The following LDB2 variants were observed in gnomAD, a reference collection of about 807,000 sequenced individuals.
LDB2 encodes the protein LIM domain-binding protein 2.
In LDB2, 12 loss-of-function variants were observed where a neutral mutation model predicts 44.3. The ratio of observed to expected loss-of-function variants is 0.27; its 90% CI spans 0.17 to 0.44. The LOEUF (loss-of-function observed/expected upper bound fraction) is 0.44. Among genes scored for constraint, LDB2 ranks in the 20% least tolerant of loss-of-function variants. The pLI, the probability that LDB2 is intolerant of heterozygous loss-of-function variation, is 1.00. For synonymous variants in LDB2, 164 were observed against 174.8 expected, an observed-to-expected ratio of 0.94 and a Z score of 0.49; for missense variants, 344 against 473.5, an observed-to-expected ratio of 0.73 and a Z score of 2.54.
chr4:16,608,503 T>C (rs1724598245), intron 2 of LDB2, among the ~76,000 whole-genome samples: 1 of 152,196 alleles, frequency 6.6e-6, no homozygotes, highest in Non-Finnish European at 1.5e-5. Flanking sequence ...GGTATGACAT[T>C]CTGTGTGCAG....
At chr4:16,711,789 A>G (rs1426137032) in intron 2 of LDB2, among the ~76,000 whole-genome samples, 1 of 152,232 alleles carries the variant, frequency 6.6e-6, no homozygotes, top group East Asian at 1.9e-4. Flanking sequence ...AAACCCTTTC[A>G]TTTACAACCA....
At chr4:16,563,719 A>G (rs557762476) in intron 5 of LDB2, among the ~76,000 whole-genome samples, 3 of 151,628 alleles carry the variant, frequency 2.0e-5, no homozygotes, top group South Asian at 2.1e-4. Flanking sequence ...CGGCCTCCCA[A>G]TGTGCTGGGA....
At chr4:16,640,796 T>A (rs1346898030) in intron 2 of LDB2, among the ~76,000 whole-genome samples, 3 of 152,234 alleles carry the variant, frequency 2.0e-5, no homozygotes. Flanking sequence ...AAAGAGTAGA[T>A]TCTATGCCAG....
intron 5 of LDB2, among the ~76,000 whole-genome samples, chr4:16,558,452 G>C (rs1740644269): frequency 6.6e-6 from 1 of 152,210 alleles, no homozygotes; most frequent in Non-Finnish European, 1.5e-5. Flanking sequence ...CTGGAAGAAA[G>C]GGTATCAGTG....
intron 5 of LDB2, among the ~76,000 whole-genome samples, chr4:16,584,370 C>T (rs116290999): frequency 2.6e-3 from 402 of 152,348 alleles, no homozygotes; most frequent in African/African-American, 9.0e-3. Flanking sequence ...GTCTCCCGTG[C>T]TCACTAGCAA....
At chr4:16,627,036 A>C (rs1560680329) in intron 2 of LDB2, 1 of 152,126 alleles carries the variant, frequency 6.6e-6, no homozygotes, top group Non-Finnish European at 1.5e-5. Flanking sequence ...GTTAAAAAAA[A>C]ATCCTTCTGG....
At chr4:16,886,602 TA>T (rs1440715509) in intron 1 of LDB2, among the ~76,000 whole-genome samples, 4 of 152,240 alleles carry the variant, frequency 2.6e-5, no homozygotes, top group Admixed American at 6.5e-5. Context: ...GTACTGTTTT[TA>T]AAACCAAAAA....
At chr4:16,601,289 A>C (rs1281090524) in intron 2 of LDB2, among the ~76,000 whole-genome samples, 1 of 152,168 alleles carries the variant, frequency 6.6e-6, no homozygotes, top group African/African-American at 2.4e-5. Flanking sequence ...GTTTATGTTT[A>C]AGTGCTCTGA....
At chr4:16,640,303 T>C (rs1734777361) in intron 2 of LDB2, among the ~76,000 whole-genome samples, 1 of 152,210 alleles carries the variant, frequency 6.6e-6, no homozygotes, top group African/African-American at 2.4e-5. Flanking sequence ...AGGTGGGTAA[T>C]AGAGAACTGT....
intron 2 of LDB2, among the ~76,000 whole-genome samples, chr4:16,725,339 T>G (rs1759210848): frequency 6.6e-6 from 1 of 151,672 alleles, no homozygotes. Flanking sequence ...CAATAGACAA[T>G]GGCCAGACCA....
At chr4:16,739,585 A>AT (rs1263747637) in intron 2 of LDB2, among the ~76,000 whole-genome samples, 872 of 77,158 alleles carry the variant, frequency 0.011, 166 homozygotes, top group African/African-American at 0.039. Flanking sequence ...AAAAAAAAAA[A>AT]AAAAATATAT....
chr4:16,886,187 C>A (rs983346251), intron 1 of LDB2, among the ~76,000 whole-genome samples: 1 of 152,062 alleles, frequency 6.6e-6, no homozygotes, highest in Non-Finnish European at 1.5e-5. Flanking sequence ...CCACCGCACT[C>A]CAGCCTGGGC....
intron 1 of LDB2, among the ~76,000 whole-genome samples, chr4:16,896,888 A>G (rs541367531): frequency 1.6e-4 from 24 of 152,348 alleles, no homozygotes; most frequent in African/African-American, 4.8e-4. Context: ...GCAAGCACAA[A>G]TATCAGTCAC....
At chr4:16,857,668 G>A (rs1314462271) in intron 1 of LDB2, among the ~76,000 whole-genome samples, 1 of 152,136 alleles carries the variant, frequency 6.6e-6, no homozygotes, top group Non-Finnish European at 1.5e-5. Flanking sequence ...CCTTGGCAGT[G>A]GCTCTTCCCT....
At chr4:16,608,633 A>G (rs1472092943) in intron 2 of LDB2, among the ~76,000 whole-genome samples, 1 of 152,198 alleles carries the variant, frequency 6.6e-6, no homozygotes, top group Non-Finnish European at 1.5e-5. Flanking sequence ...TGTCTCTCAT[A>G]GGTTAAAACA....
At chr4:16,560,943 A>G (rs1741927990) in intron 5 of LDB2, among the ~76,000 whole-genome samples, 1 of 152,236 alleles carries the variant, frequency 6.6e-6, no homozygotes, top group Non-Finnish European at 1.5e-5. Flanking sequence ...AATCCAGCAT[A>G]TAAACAGAAC....
intron 2 of LDB2, among the ~76,000 whole-genome samples, chr4:16,629,858 T>C (rs983142962): frequency 6.6e-6 from 1 of 151,774 alleles, no homozygotes; most frequent in African/African-American, 2.4e-5. Context: ...ATCAAATTAA[T>C]GAAATTGAGT....
At chr4:16,688,685 G>A (rs188325216) in intron 2 of LDB2, among the ~76,000 whole-genome samples, 7 of 152,234 alleles carry the variant, frequency 4.6e-5, no homozygotes, top group African/African-American at 1.7e-4. Context: ...AACAGAGAAT[G>A]GGCTGAATTT....
chr4:16,599,064 G>A (rs1180436190), intron 2 of LDB2, among the ~76,000 whole-genome samples: 1 of 152,094 alleles, frequency 6.6e-6, no homozygotes, highest in Non-Finnish European at 1.5e-5. Context: ...AACACACTGT[G>A]TTAGAAGCTG....
Sources: allele counts gnomAD v4.1 joint callset (sites outside exome capture counted in the v4.1 genomes callset), GRCh38; gene constraint gnomAD v4.1.1; transcripts MANE v1.5; gene names NCBI Gene and HGNC (gene_info 2026-07-23, HGNC 2026-07-21).